Variants in ITCH observed in about 807,000 individuals in gnomAD.
ITCH encodes itchy E3 ubiquitin protein ligase.
ITCH carries 28 observed loss-of-function variants against 126.8 expected under a neutral mutation model. The ratio of observed to expected loss-of-function variants is 0.22; its 90% CI spans 0.16 to 0.30. The LOEUF (loss-of-function observed/expected upper bound fraction) is 0.30. ITCH is among the 10% of genes least tolerant of loss of function. The pLI is 1.00. For synonymous variants in ITCH, 342 were observed against 340.0 expected (o/e 1.01, Z -0.06); for missense variants, 631 against 1,032.4 (o/e 0.61, Z 5.33).
intron 3 of ITCH, among the ~76,000 whole-genome samples, chr20:34,405,027 C>T (rs1370464137): frequency 2.0e-5 from 3 of 150,742 alleles, no homozygotes; most frequent in African/African-American, 7.3e-5. Flanking sequence ...TAGTCCCAGC[C>T]ACTTGGGAGG....
At chr20:34,479,587 T>C (rs1422872618) in intron 17 of ITCH, 43 bp from the exon 18 acceptor site, 4 of 1,554,964 alleles carry the variant, frequency 2.6e-6, no homozygotes, top group African/African-American at 2.7e-5. Context: ...GATTTCTTGG[T>C]AACCTACAAG....
chr20:34,444,588 CA>C (rs933091739), intron 10 of ITCH, among the ~76,000 whole-genome samples: 5 of 145,658 alleles, frequency 3.4e-5, no homozygotes, highest in Non-Finnish European at 3.0e-5. Flanking sequence ...ACTCTGTCTC[CA>C]AAAAAAAAAG....
intron 12 of ITCH, among the ~76,000 whole-genome samples, chr20:34,456,957 A>G (rs1986065158): frequency 6.6e-6 from 1 of 151,684 alleles, no homozygotes; most frequent in Non-Finnish European, 1.5e-5. Context: ...CTGAGTTTCC[A>G]TCTCATCTCT....
At chr20:34,397,669 G>A (rs910779578) in intron 3 of ITCH, among the ~76,000 whole-genome samples, 25 of 152,032 alleles carry the variant, frequency 1.6e-4, no homozygotes, top group South Asian at 2.1e-4. Flanking sequence ...TCTTTCCTTA[G>A]CAGTATCTGT....
chr20:34,364,357 C>T (rs531598094), intron 1 of ITCH, among the ~76,000 whole-genome samples: 15 of 152,172 alleles, frequency 9.9e-5, no homozygotes, highest in African/African-American at 3.6e-4. Context: ...GGATTTTTGC[C>T]TTGAAAATTA....
In ITCH at chr20:34,489,824, C is replaced by G; in HGVS notation, c.2217C>G (p.Val739=). ...LQYFDAKELE[V]LLCGMQEIDL... is the part of the protein sequence containing the mutation. Reference sequence around the variant, plus strand: ...ATTTGTCTTTTTCATCCCTAAAGGTCCTTTTATGTGGAATGCAAGAGATTG... The same window carrying G: ...ATTTGTCTTTTTCATCCCTAAAGGTGCTTTTATGTGGAATGCAAGAGATTG... The change falls in exon 22 of 25, where the codon GTC becomes GTG. Residue 739 remains valine (V), a splice_region_variant and synonymous_variant. Transcript: ENST00000374864. 1 of 1,609,510 alleles carries G rather than the reference C, an allele frequency of 6.2e-7. No individual in the cohort carries two copies.
rs1285658133 is a variant in ITCH, at chr20:34,477,061, G to A, written c.1570-711G>A. On this transcript the variant is annotated intron_variant, in intron 16 of 24. Transcript: ENST00000374864. ...CCAAAGTTAACTGGGTCTCTCTGCA[G>A]CTACTGGTTTTCATTTCTCGGTTAG... Among the ~76,000 whole-genome samples, 72 of 152,126 alleles carry A rather than the reference G, an allele frequency of 4.7e-4. 1 individual carries two copies. The highest frequency in any genetic ancestry group is 1.0e-4 in the Non-Finnish European group (7 of 68,024).
At position 34,398,448 on chromosome 20, in the gene ITCH, G is replaced by C. The variant is rs62212170; in HGVS notation, c.70+4567G>C. ...AGTTTCCCTTTCGTTGCCCAGGCTG[G>C]AGTGCAATGGCGTGATCTCGGCTCA... On this transcript the variant is annotated intron_variant, in intron 3 of 24. Coordinates refer to ENST00000374864, the MANE Select transcript of ITCH (RefSeq NM_031483.7). Among the ~76,000 whole-genome samples the C allele has an allele frequency of 3.9e-3, 592 of 151,858 alleles. 7 individuals carry two copies. The highest frequency in any genetic ancestry group is 0.01 in the African/African-American group (423 of 41,436).
intron 20 of ITCH, among the ~76,000 whole-genome samples, chr20:34,483,280 C>T (rs1988884960): frequency 6.6e-6 from 1 of 152,220 alleles, no homozygotes; most frequent in African/African-American, 2.4e-5. Flanking sequence ...TTGAATTTCT[C>T]CTCAGAAAAT....
At chr20:34,479,500 A>G in intron 17 of ITCH, 130 bp from the exon 18 acceptor site, 1 of 733,212 alleles carries the variant, frequency 1.4e-6, no homozygotes, top group South Asian at 1.7e-5. Flanking sequence ...CAGAAGCAAT[A>G]AAAATCAACA....
At chr20:34,367,796 ACTCTGGGACTGGTATT>A (rs1272358583) in intron 1 of ITCH, among the ~76,000 whole-genome samples, 7 of 152,112 alleles carry the variant, frequency 4.6e-5, no homozygotes, top group Non-Finnish European at 1.5e-5. Context: ...GGGTTTTGCA[ACTCTGGGACTGGTATT>A]CTCTGGTTTA....
intron 20 of ITCH, among the ~76,000 whole-genome samples, chr20:34,484,012 C>G (rs1988941678): frequency 6.6e-6 from 1 of 152,144 alleles, no homozygotes; most frequent in East Asian, 1.9e-4. Flanking sequence ...TCTTGTGAGA[C>G]TTATTCACTA....
At chr20:34,418,918 C>T (rs368786479) in intron 6 of ITCH, among the ~76,000 whole-genome samples, 5 of 151,928 alleles carry the variant, frequency 3.3e-5, no homozygotes, top group African/African-American at 4.8e-5. Flanking sequence ...AGCGCCACCA[C>T]GCCCGACTAA....
intron 11 of ITCH, among the ~76,000 whole-genome samples, chr20:34,448,519 CAA>C (rs1444956365): frequency 6.6e-6 from 1 of 151,854 alleles, no homozygotes; most frequent in Non-Finnish European, 1.5e-5. Flanking sequence ...AGAAACTTGG[CAA>C]AGTCTTGATA....
At chr20:34,425,715 A>T (rs896430447) in intron 7 of ITCH, among the ~76,000 whole-genome samples, 1 of 152,224 alleles carries the variant, frequency 6.6e-6, no homozygotes, top group African/African-American at 2.4e-5. Context: ...TTCATGATAC[A>T]GATTCCTTTG....
chr20:34,485,630 A>G (rs1989049243), intron 20 of ITCH, among the ~76,000 whole-genome samples: 1 of 152,080 alleles, frequency 6.6e-6, no homozygotes, highest in South Asian at 2.1e-4. Flanking sequence ...TGATTTTAGA[A>G]ACTCTTCTCT....
chr20:34,372,615 CG>C (rs2037683929), intron 2 of ITCH, among the ~76,000 whole-genome samples: 1 of 151,858 alleles, frequency 6.6e-6, no homozygotes, highest in African/African-American at 2.4e-5. Context: ...CTCCTGACCT[CG>C]TGATCTGCCT....
At chr20:34,408,854 T>TA (rs1010071517) in intron 4 of ITCH, 62 bp downstream of exon 4, 5 of 1,534,542 alleles carry the variant, frequency 3.3e-6, no homozygotes, top group Admixed American at 3.6e-5. Flanking sequence ...AAATACAATT[T>TA]AAAAAAATGT....
At chr20:34,439,803 A>G (rs1983495292) in intron 8 of ITCH, among the ~76,000 whole-genome samples, 1 of 152,254 alleles carries the variant, frequency 6.6e-6, no homozygotes, top group South Asian at 2.1e-4. Context: ...ACAGGAAAGC[A>G]GTTTTAAGGA....
Sources: gnomAD v4.1 joint callset for allele counts (sites outside exome capture counted in the v4.1 genomes callset) on GRCh38, gnomAD v4.1.1 for gene constraint, MANE v1.5 for transcripts, NCBI Gene and HGNC (gene_info 2026-07-23, HGNC 2026-07-21) for gene names.